ZNF407: variants seen among roughly 807,000 people sequenced by gnomAD.
ZNF407 encodes zinc finger protein 407.
A neutral mutation model predicts 131.2 loss-of-function variants in ZNF407; 17 were observed. The observed-to-expected ratio is 0.13, with a 90% CI of 0.09 to 0.19. The LOEUF (loss-of-function observed/expected upper bound fraction) is 0.19. Among genes scored for constraint, ZNF407 ranks in the 10% least tolerant of loss-of-function variants. ZNF407 has a pLI of 1.00. For synonymous variants in ZNF407, 1,156 were observed against 1,062.0 expected, an observed-to-expected ratio of 1.09 and a Z score of -1.72; for missense variants, 2,681 against 2,830.6, an observed-to-expected ratio of 0.95 and a Z score of 1.20.
At chr18:74,688,637 A>G (rs1967150517) in intron 3 of ZNF407, among the ~76,000 whole-genome samples, 1 of 152,140 alleles carries the variant, frequency 6.6e-6, no homozygotes, top group African/African-American at 2.4e-5. Flanking sequence ...TTTTTAATAG[A>G]AGTTTTATTG....
At chr18:75,040,329 C>T (rs971677322) in intron 8 of ZNF407, among the ~76,000 whole-genome samples, 9 of 152,080 alleles carry the variant, frequency 5.9e-5, no homozygotes, top group African/African-American at 2.2e-4. Flanking sequence ...AGGGAACAGT[C>T]ATATAACGAG....
At chr18:74,994,782 G>T (rs750204094) in intron 8 of ZNF407, among the ~76,000 whole-genome samples, 6 of 152,208 alleles carry the variant, frequency 3.9e-5, no homozygotes, top group Non-Finnish European at 5.9e-5. Context: ...AAGGGCCGGG[G>T]AGGGCACTCG....
intron 3 of ZNF407, among the ~76,000 whole-genome samples, chr18:74,695,397 C>T (rs1291811334): frequency 6.6e-6 from 1 of 152,160 alleles, no homozygotes; most frequent in Non-Finnish European, 1.5e-5. Context: ...GCTAAAAATA[C>T]ACTCTGGTGA....
At chr18:75,020,734 T>A (rs1973100165) in intron 8 of ZNF407, among the ~76,000 whole-genome samples, 1 of 152,188 alleles carries the variant, frequency 6.6e-6, no homozygotes, top group Admixed American at 6.5e-5. Flanking sequence ...TTTAAAAAAA[T>A]TTATTCCTGT....
chr18:74,946,724 C>T (rs1599258190), intron 8 of ZNF407, among the ~76,000 whole-genome samples: 1 of 152,084 alleles, frequency 6.6e-6, no homozygotes, highest in Non-Finnish European at 1.5e-5. Flanking sequence ...TAAGAAAAAA[C>T]TAAGCATAAA....
intron 8 of ZNF407, among the ~76,000 whole-genome samples, chr18:75,016,556 C>T (rs1172170151): frequency 6.6e-6 from 1 of 152,104 alleles, no homozygotes; most frequent in Non-Finnish European, 1.5e-5. Context: ...ATGTTTCTTA[C>T]ACAGCAAGTG....
At chr18:74,963,050 A>C (rs1972366158) in intron 8 of ZNF407, among the ~76,000 whole-genome samples, 1 of 152,156 alleles carries the variant, frequency 6.6e-6, no homozygotes, top group Non-Finnish European at 1.5e-5. Flanking sequence ...AGCCACATAG[A>C]ATCATTGGAG....
At chr18:75,051,530 A>C (rs1973500744) in intron 8 of ZNF407, among the ~76,000 whole-genome samples, 1 of 152,234 alleles carries the variant, frequency 6.6e-6, no homozygotes, top group Non-Finnish European at 1.5e-5. Flanking sequence ...GTTTCCCATC[A>C]CAGTCACTCT....
intron 6 of ZNF407, among the ~76,000 whole-genome samples, chr18:74,888,028 GT>G: frequency 6.6e-6 from 1 of 152,254 alleles, no homozygotes; most frequent in African/African-American, 2.4e-5. Context: ...GACAGATACG[GT>G]TTTGTTGATA....
intron 8 of ZNF407, among the ~76,000 whole-genome samples, chr18:74,936,254 T>G (rs1972038769): frequency 6.6e-6 from 1 of 152,182 alleles, no homozygotes; most frequent in East Asian, 1.9e-4. Context: ...TTGGGTGTGT[T>G]TATCTTCTAG....
intron 1 of ZNF407, among the ~76,000 whole-genome samples, chr18:74,625,305 G>A (rs1252039183): frequency 6.6e-6 from 1 of 151,982 alleles, no homozygotes; most frequent in African/African-American, 2.4e-5. Context: ...TGAGTCAGAT[G>A]CCCTCAACAG....
At chr18:75,039,878 G>A (rs1410050378) in intron 8 of ZNF407, among the ~76,000 whole-genome samples, 4 of 148,070 alleles carry the variant, frequency 2.7e-5, no homozygotes, top group Admixed American at 2.7e-4. Context: ...TTTTTTTTTT[G>A]GTTCAATCTC....
intron 3 of ZNF407, among the ~76,000 whole-genome samples, chr18:74,731,365 T>C (rs1298489178): frequency 6.6e-6 from 1 of 152,212 alleles, no homozygotes; most frequent in Non-Finnish European, 1.5e-5. Context: ...TATGATCTGA[T>C]AATCCTGTGG....
chr18:74,768,445 T>G (rs1317005812), intron 3 of ZNF407, among the ~76,000 whole-genome samples: 1 of 152,252 alleles, frequency 6.6e-6, no homozygotes, highest in East Asian at 1.9e-4. Context: ...AAATCCCTTT[T>G]TTGGTGGATT....
chr18:74,937,386 A>G (rs1231758580), intron 8 of ZNF407, among the ~76,000 whole-genome samples: 1 of 152,224 alleles, frequency 6.6e-6, no homozygotes, highest in Non-Finnish European at 1.5e-5. Context: ...AATGAGGTAA[A>G]ATAACTGACT....
At chr18:74,836,674 T>C (rs1970564198) in intron 4 of ZNF407, among the ~76,000 whole-genome samples, 1 of 152,224 alleles carries the variant, frequency 6.6e-6, no homozygotes. Context: ...TGAGTTATAG[T>C]AAAGGTAACT....
chr18:74,705,925 CTA>C (rs1355035091), intron 3 of ZNF407, among the ~76,000 whole-genome samples: 1 of 152,182 alleles, frequency 6.6e-6, no homozygotes, highest in Non-Finnish European at 1.5e-5. Context: ...ACTGAATTGT[CTA>C]TGAGCCAGTG....
At chr18:74,605,508 GA>G (rs1982765645) in intron 1 of ZNF407, among the ~76,000 whole-genome samples, 1 of 151,954 alleles carries the variant, frequency 6.6e-6, no homozygotes, top group Non-Finnish European at 1.5e-5. Flanking sequence ...CCCATGCCAT[GA>G]ATTAAGCACA....
chr18:74,818,976 G>A (rs569294393), intron 4 of ZNF407, among the ~76,000 whole-genome samples: 4 of 151,754 alleles, frequency 2.6e-5, no homozygotes, highest in East Asian at 1.9e-4. Context: ...GCCCTTCTGC[G>A]CTGAGACATG....
Sources: gnomAD v4.1 joint callset for allele counts (sites outside exome capture counted in the v4.1 genomes callset) on GRCh38, gnomAD v4.1.1 for gene constraint, MANE v1.5 for transcripts, NCBI Gene and HGNC (gene_info 2026-07-23, HGNC 2026-07-21) for gene names.